The following ADGRL3 variants were observed in gnomAD, a reference collection of about 807,000 sequenced individuals.
ADGRL3 encodes adhesion G protein-coupled receptor L3.
A neutral mutation model predicts 153.5 loss-of-function variants in ADGRL3; 62 were observed. The ratio of observed to expected loss-of-function variants is 0.40; its 90% CI spans 0.33 to 0.50. The LOEUF (loss-of-function observed/expected upper bound fraction) is 0.50. Among genes scored for constraint, ADGRL3 ranks in the 20% least tolerant of loss-of-function variants. The pLI is 0.47. For missense variants in ADGRL3, 1,641 were observed against 1,859.4 expected, an observed-to-expected ratio of 0.88 and a Z score of 2.16; for synonymous variants, 710 against 672.5, an observed-to-expected ratio of 1.06 and a Z score of -0.86.
At chr4:61,757,104 G>A (rs958265688) in intron 8 of ADGRL3, among the ~76,000 whole-genome samples, 3 of 152,208 alleles carry the variant, frequency 2.0e-5, no homozygotes, top group African/African-American at 4.8e-5. Context: ...GTCTCTGCCC[G>A]GCTTTTGGTT....
chr4:61,472,658 A>G (rs1336346810), intron 2 of ADGRL3, among the ~76,000 whole-genome samples: 2 of 152,006 alleles, frequency 1.3e-5, no homozygotes, highest in African/African-American at 2.4e-5. Context: ...ATCATGAACC[A>G]ATGGGTCCAT....
chr4:61,532,020 A>G (rs539306123), intron 4 of ADGRL3, among the ~76,000 whole-genome samples: 1 of 152,330 alleles, frequency 6.6e-6, no homozygotes, highest in African/African-American at 2.4e-5. Flanking sequence ...TACTTATTTG[A>G]TATCATTCAA....
At chr4:61,927,323 G>T (rs1047829120) in intron 13 of ADGRL3, among the ~76,000 whole-genome samples, 2 of 151,488 alleles carry the variant, frequency 1.3e-5, no homozygotes, top group Non-Finnish European at 2.9e-5. Flanking sequence ...ATTAAAAAGT[G>T]ATACGATCAA....
intron 5 of ADGRL3, among the ~76,000 whole-genome samples, chr4:61,662,122 C>A (rs535111751): frequency 6.6e-6 from 1 of 152,184 alleles, no homozygotes; most frequent in Non-Finnish European, 1.5e-5. Context: ...CGGGAACAGA[C>A]GGAAGTCCCA....
At chr4:61,570,568 C>A (rs1049800121) in intron 4 of ADGRL3, among the ~76,000 whole-genome samples, 11 of 152,114 alleles carry the variant, frequency 7.2e-5, no homozygotes, top group African/African-American at 2.4e-4. Flanking sequence ...CTCTGAAACA[C>A]CTCCCTATCT....
chr4:61,458,742 TAGGA>T (rs1338069707), intron 2 of ADGRL3, among the ~76,000 whole-genome samples: 1 of 151,544 alleles, frequency 6.6e-6, no homozygotes, highest in Non-Finnish European at 1.5e-5. Context: ...TAAAATTATA[TAGGA>T]AATACATTTT....
At chr4:61,300,234 G>T (rs1034746765) in intron 1 of ADGRL3, among the ~76,000 whole-genome samples, 1 of 152,050 alleles carries the variant, frequency 6.6e-6, no homozygotes, top group Admixed American at 6.5e-5. Flanking sequence ...GTGTCTAAAG[G>T]GTTGCTTGGA....
At position 61,791,594 on chromosome 4, in the gene ADGRL3, G is replaced by A. The variant is rs145114992; in HGVS notation, c.1400-22215G>A. Among the ~76,000 whole-genome samples the A allele has an allele frequency of 2.6e-3, 402 of 152,294 alleles. 13 individuals carry two copies. The East Asian group carries it at 0.05, about 19-fold the overall frequency. Reference sequence around the variant, plus strand: ...CCATTCTGAGATCTGGAGGACAGAGGCCCTCTTCTCACAGCTCCACTAGGC... The same window carrying A: ...CCATTCTGAGATCTGGAGGACAGAGACCCTCTTCTCACAGCTCCACTAGGC... On this transcript the variant is annotated intron_variant, in intron 8 of 26. Transcript: ENST00000683033.
At chr4:61,958,721 C>T (rs1168593880) in intron 17 of ADGRL3, among the ~76,000 whole-genome samples, 6 of 152,054 alleles carry the variant, frequency 3.9e-5, no homozygotes, top group Non-Finnish European at 7.4e-5. Flanking sequence ...GAAACTGCCC[C>T]CATGATCCAA....
rs190242636 is a variant in ADGRL3, at chr4:62,058,870, C to T, written c.3815-9296C>T. The stretch of plus-strand genomic sequence containing the variant: ...TATTAGAATTAAAAGTGACTTAAGT[C>T]ACCTGGGGAGACAGCCAAAAGCAAA... On this transcript the variant is annotated intron_variant, in intron 25 of 26. Coordinates refer to ENST00000683033, the MANE Select transcript of ADGRL3 (RefSeq NM_001387552.1). Among the ~76,000 whole-genome samples the T allele has an allele frequency of 2.6e-5, 4 of 152,242 alleles. No individual in the cohort carries two copies. The East Asian group carries it at 5.8e-4, about 22-fold the overall frequency.
chr4:61,745,642 T>C (rs886311653), intron 8 of ADGRL3, among the ~76,000 whole-genome samples: 3 of 152,148 alleles, frequency 2.0e-5, no homozygotes, highest in Non-Finnish European at 2.9e-5. Flanking sequence ...TAAAATACTT[T>C]ACAAACAAGC....
chr4:61,749,783 A>G (rs949268852), intron 8 of ADGRL3, among the ~76,000 whole-genome samples: 2 of 152,108 alleles, frequency 1.3e-5, no homozygotes, highest in Non-Finnish European at 2.9e-5. Context: ...TGGGTGCAGT[A>G]CACCAGCATG....
rs1174245703 is a variant in ADGRL3 at position 62,070,632 on chromosome 4, C to T, written c.4356C>T (p.Leu1452=). The T allele has an allele frequency of 4.5e-6, 7 of 1,551,562 alleles. No homozygotes were observed. In the African/African-American group the frequency reaches 6.9e-5, roughly 15 times the overall value. The change falls in exon 27 of 27, where the codon CTC becomes CTT. Residue 1452 remains leucine (L), a synonymous_variant. Transcript: ENST00000683033. ...EDLQSPHRDS[L]YTSMPTLAGV... is the part of the protein sequence containing the mutation. ...TCCAGTCACCCCATAGAGACTCTCT[C>T]TATACCAGCATGCCGACACTGGCTG...
At chr4:61,303,314 G>GT (rs2094644946) in intron 1 of ADGRL3, among the ~76,000 whole-genome samples, 1 of 152,160 alleles carries the variant, frequency 6.6e-6, no homozygotes, top group Non-Finnish European at 1.5e-5. Flanking sequence ...TTATTCTTCA[G>GT]TAAATTGGGA....
intron 5 of ADGRL3, among the ~76,000 whole-genome samples, chr4:61,588,276 T>C (rs2098954976): frequency 6.6e-6 from 1 of 151,934 alleles, no homozygotes; most frequent in Non-Finnish European, 1.5e-5. Context: ...TAGGGAAAAC[T>C]ATATTTTAGA....
chr4:61,822,745 T>C lies in ADGRL3; in HGVS notation c.1480+8856T>C, dbSNP rs139019378. Among the ~76,000 whole-genome samples, 393 of 152,308 alleles carry C rather than the reference T, an allele frequency of 2.6e-3. 4 individuals carry two copies. The South Asian group carries it at 0.034, about 13-fold the overall frequency. The stretch of plus-strand genomic sequence containing the variant: ...ATCTGGTAGTTTTTCATATTGGTTG[T>C]TAGTCAGTTTGTCCTGGTGGTCTCT... On this transcript the variant is annotated intron_variant, in intron 9 of 26. Coordinates refer to ENST00000683033, the MANE Select transcript of ADGRL3 (RefSeq NM_001387552.1).
At chr4:61,225,095 G>GA (rs1345866215) in intron 1 of ADGRL3, among the ~76,000 whole-genome samples, 1 of 152,136 alleles carries the variant, frequency 6.6e-6, no homozygotes, top group African/African-American at 2.4e-5. Context: ...GAAAAGGAAA[G>GA]AAAAATATAA....
At position 61,552,132 on chromosome 4, in the gene ADGRL3, C is replaced by T. The variant is rs1486599813; in HGVS notation, c.259+34614C>T. Among the ~76,000 whole-genome samples, 15 of 150,702 alleles carry T rather than the reference C, an allele frequency of 1.0e-4. No homozygotes were observed. In the Admixed American group the frequency reaches 1.0e-3, roughly 10 times the overall value. ...TTTGTGAGTGCCTAGGTAACAGACCCAATAAACACAGAAGCAACTGCTTAA... is the reference window on the plus strand; with the variant it reads ...TTTGTGAGTGCCTAGGTAACAGACCTAATAAACACAGAAGCAACTGCTTAA... On this transcript the variant is annotated intron_variant, in intron 4 of 26. Coordinates refer to ENST00000683033, the MANE Select transcript of ADGRL3 (RefSeq NM_001387552.1).
At chr4:61,607,347 C>T (rs2149616978) in intron 5 of ADGRL3, among the ~76,000 whole-genome samples, 1 of 152,166 alleles carries the variant, frequency 6.6e-6, no homozygotes, top group African/African-American at 2.4e-5. Flanking sequence ...ACCTGTAATC[C>T]CAGCACTTTG....
Sources: gnomAD v4.1 joint callset for allele counts (sites outside exome capture counted in the v4.1 genomes callset) on GRCh38, gnomAD v4.1.1 for gene constraint, MANE v1.5 for transcripts, NCBI Gene and HGNC (gene_info 2026-07-23, HGNC 2026-07-21) for gene names.